Variants in KANSL1 observed in about 807,000 individuals in gnomAD.
KANSL1 encodes the protein KAT8 regulatory NSL complex subunit 1.
KANSL1 carries 22 observed loss-of-function variants against 103.6 expected under a neutral mutation model. The observed-to-expected ratio is 0.21, with a 90% CI of 0.15 to 0.30. The LOEUF (loss-of-function observed/expected upper bound fraction) is 0.30. Ranked by LOEUF, KANSL1 falls within the 10% of genes least tolerant of loss-of-function variation. The pLI is 1.00. For missense variants in KANSL1, 1,337 were observed against 1,399.8 expected (o/e 0.96, Z 0.72); for synonymous variants, 600 against 527.6 (o/e 1.14, Z -1.88).
intron 7 of KANSL1, chr17:46,050,204 C>T (rs2077663747): frequency 3.9e-6 from 1 of 257,638 alleles, no homozygotes; most frequent in Non-Finnish European, 7.4e-6. Flanking sequence ...GCGTGACCCA[C>T]CACGCCTGGC....
At chr17:46,127,209 G>A (rs2043612607) in intron 2 of KANSL1, among the ~76,000 whole-genome samples, 1 of 152,210 alleles carries the variant, frequency 6.6e-6, no homozygotes, top group Non-Finnish European at 1.5e-5. Context: ...ACAGCTTGAA[G>A]CAGCAAAATT....
intron 6 of KANSL1, among the ~76,000 whole-genome samples, chr17:46,066,057 T>C (rs2078363946): frequency 6.6e-6 from 1 of 152,132 alleles, no homozygotes; most frequent in African/African-American, 2.4e-5. Context: ...AAGGTCTCAC[T>C]ATATTTTCCA....
chr17:46,064,400 C>G (rs752062936), intron 6 of KANSL1, among the ~76,000 whole-genome samples: 26 of 152,196 alleles, frequency 1.7e-4, no homozygotes, highest in Non-Finnish European at 4.4e-5. Flanking sequence ...ATTCTCTGCT[C>G]TCTTTTACAG....
At position 46,204,418 on chromosome 17, in the gene KANSL1, T is replaced by C. The variant is rs571987828; in HGVS notation, c.-90+19253A>G. 1.1e-3 allele frequency among the ~76,000 whole-genome samples: 174 copies of C among 152,218 alleles called. 1 individual carries two copies. Among genetic ancestry groups the C allele is most frequent in the Non-Finnish European group, 1.3e-3 (88 of 68,012 alleles). ...AAGTGGAGGTTGCAGTGAGCGGAGA[T>C]CACACCACTGCACTCCAGCCTGGGT... On this transcript the variant is annotated intron_variant, in intron 1 of 14. Coordinates refer to the KANSL1 transcript ENST00000572904.
chr17:46,211,192 T>C (rs2048157112), intron 1 of KANSL1, among the ~76,000 whole-genome samples: 1 of 110,740 alleles, frequency 9.0e-6, no homozygotes. Flanking sequence ...TGAATAATTA[T>C]AGAATATTCC....
chr17:46,072,609 A>G (rs1026009878), intron 4 of KANSL1, among the ~76,000 whole-genome samples: 1 of 152,162 alleles, frequency 6.6e-6, no homozygotes, highest in African/African-American at 2.4e-5. Context: ...TATAAATAGT[A>G]TACTAGCCAT....
At chr17:46,185,522 G>A (rs956764071) in intron 1 of KANSL1, among the ~76,000 whole-genome samples, 1 of 151,742 alleles carries the variant, frequency 6.6e-6, no homozygotes, top group Non-Finnish European at 1.5e-5. Flanking sequence ...TGCACTTCTA[G>A]AAATCTATTC....
intron 6 of KANSL1, among the ~76,000 whole-genome samples, 171 bp downstream of exon 6, chr17:46,066,366 C>T (rs2146654464): frequency 6.6e-6 from 1 of 152,242 alleles, no homozygotes; most frequent in South Asian, 2.1e-4. Flanking sequence ...AACAAGATTC[C>T]AACATCCAAC....
At chr17:46,183,581 A>G (rs1189754773) in intron 1 of KANSL1, among the ~76,000 whole-genome samples, 2 of 150,170 alleles carry the variant, frequency 1.3e-5, no homozygotes, top group African/African-American at 4.9e-5. Flanking sequence ...AGGAGAGAGG[A>G]GAGAGGAGAC....
intron 2 of KANSL1, among the ~76,000 whole-genome samples, chr17:46,141,796 AGTC>A (rs1386690777): frequency 2.0e-5 from 3 of 152,264 alleles, no homozygotes; most frequent in Non-Finnish European, 2.9e-5. Context: ...TTGAGATACT[AGTC>A]AGCTTTTTCG....
chr17:46,078,302 T>C (rs1282080883), intron 4 of KANSL1, among the ~76,000 whole-genome samples: 4 of 152,352 alleles, frequency 2.6e-5, no homozygotes, highest in East Asian at 3.9e-4. Flanking sequence ...GAACTCCAAA[T>C]TCTGCCTTCC....
intron 3 of KANSL1, chr17:46,094,008 T>C (rs2079518628): frequency 6.6e-6 from 1 of 152,592 alleles, no homozygotes; most frequent in South Asian, 2.1e-4. Flanking sequence ...CTTGCTTGCA[T>C]TATTCAGTCT....
intron 1 of KANSL1, among the ~76,000 whole-genome samples, chr17:46,206,001 T>C (rs2047955307): frequency 6.8e-6 from 1 of 147,374 alleles, no homozygotes; most frequent in Admixed American, 7.0e-5. Flanking sequence ...CACTTGAGCC[T>C]AGTAGGTTAC....
intron 2 of KANSL1, among the ~76,000 whole-genome samples, chr17:46,155,120 A>AC (rs1301792832): frequency 6.6e-6 from 1 of 151,536 alleles, no homozygotes; most frequent in Non-Finnish European, 1.5e-5. Context: ...AAAGATAGGT[A>AC]CAGGAGGCCC....
intron 4 of KANSL1, among the ~76,000 whole-genome samples, chr17:46,077,109 T>G (rs1345878565): frequency 1.3e-5 from 2 of 152,228 alleles, no homozygotes; most frequent in African/African-American, 4.8e-5. Context: ...TCAAGTACAG[T>G]AGCATGATCT....
intron 7 of KANSL1, among the ~76,000 whole-genome samples, chr17:46,047,910 AC>A (rs1270878385): frequency 1.6e-5 from 2 of 122,968 alleles, no homozygotes; most frequent in African/African-American, 6.6e-5. Context: ...TCCCTTCCCC[AC>A]TCCCCCCGCC....
At chr17:46,133,945 T>C (rs1337636369) in intron 2 of KANSL1, among the ~76,000 whole-genome samples, 2 of 152,176 alleles carry the variant, frequency 1.3e-5, no homozygotes, top group African/African-American at 4.8e-5. Context: ...AGATCCAAGA[T>C]ATATTTTAGA....
intron 1 of KANSL1, among the ~76,000 whole-genome samples, chr17:46,207,839 A>T (rs2048023304): frequency 6.6e-6 from 1 of 152,108 alleles, no homozygotes; most frequent in Non-Finnish European, 1.5e-5. Flanking sequence ...GGCCAGGTAC[A>T]GTGGCTCATG....
At chr17:46,120,723 T>C (rs960985763) in intron 2 of KANSL1, among the ~76,000 whole-genome samples, 10 of 152,238 alleles carry the variant, frequency 6.6e-5, no homozygotes, top group Admixed American at 2.6e-4. Context: ...ACATTTATTA[T>C]ACTTAATGAG....
Sources: allele counts gnomAD v4.1 joint callset (sites outside exome capture counted in the v4.1 genomes callset), GRCh38; gene constraint gnomAD v4.1.1; transcripts MANE v1.5; gene names NCBI Gene and HGNC (gene_info 2026-07-23, HGNC 2026-07-21).